MOK: variants seen among roughly 807,000 people sequenced by gnomAD.
MOK encodes MOK protein kinase.
Under a neutral mutation model 54.2 loss-of-function variants are expected in MOK, and 59 were observed. The ratio of observed to expected loss-of-function variants is 1.09; its 90% CI spans 0.88 to 1.35. The LOEUF (loss-of-function observed/expected upper bound fraction) is 1.35, where lower values mean the gene tolerates loss of function less well. MOK is among the 40% of genes most tolerant of loss of function. MOK has a pLI of 0.00. For synonymous variants in MOK, 210 were observed against 202.7 expected (o/e 1.04, Z -0.31); for missense variants, 517 against 526.2 (o/e 0.98, Z 0.17).
In MOK at chr14:102,231,419, G is replaced by C. The variant is rs549102716; in HGVS notation, c.981+288C>G. 9.0e-6 allele frequency: 3 copies of C among 331,996 alleles called. No individual in the cohort carries two copies. The highest frequency in any genetic ancestry group is 6.3e-5 in the African/African-American group (3 of 47,420). 20.6% of individuals were successfully genotyped at this position (331,996 alleles called of 1,614,324 possible). A position where few individuals can be genotyped will look rare whatever the true frequency, so the allele number is the denominator to read the frequency against. Reference sequence around the variant, plus strand: ...CCTGGCACCTGCATATGGTCATCAGGACAGACACAAAAGTTCATGCAAACA... The same window carrying C: ...CCTGGCACCTGCATATGGTCATCAGCACAGACACAAAAGTTCATGCAAACA... On this transcript the variant is annotated intron_variant, in intron 10 of 11. Coordinates refer to ENST00000361847, the MANE Select transcript of MOK (RefSeq NM_014226.3). The surrounding 1 kb of genome is among the most constrained non-coding windows in gnomAD (Gnocchi z 4.4).
intron 2 of MOK, among the ~76,000 whole-genome samples, chr14:102,271,901 C>T (rs571226816): frequency 8.8e-4 from 134 of 151,940 alleles, no homozygotes; most frequent in Middle Eastern, 3.4e-3. Context: ...TTTTTTGAGA[C>T]AGGGTCTCAC....
intron 1 of MOK, among the ~76,000 whole-genome samples, chr14:102,293,270 A>G (rs1471914400): frequency 6.6e-6 from 1 of 152,238 alleles, no homozygotes; most frequent in African/African-American, 2.4e-5. Flanking sequence ...ATAGCCACAG[A>G]CTGAAATATT....
intron 4 of MOK, among the ~76,000 whole-genome samples, chr14:102,259,835 A>G (rs1202858951): frequency 6.6e-6 from 1 of 151,894 alleles, no homozygotes; most frequent in African/African-American, 2.4e-5. Flanking sequence ...CACGAGGTCA[A>G]GAGATCGAGA....
chr14:102,251,236 T>C (rs1342717597), intron 6 of MOK, among the ~76,000 whole-genome samples: 1 of 152,170 alleles, frequency 6.6e-6, no homozygotes, highest in African/African-American at 2.4e-5. Flanking sequence ...TGCCTACAGG[T>C]TTGGAAACTG....
At chr14:102,294,577 T>G (rs940734573) in intron 1 of MOK, among the ~76,000 whole-genome samples, 1 of 151,884 alleles carries the variant, frequency 6.6e-6, no homozygotes, top group African/African-American at 2.4e-5. Context: ...ATGGTGCCAC[T>G]GTACTCCAGC....
At chr14:102,222,720 A>C, downstream of MOK, 2 of 1,145,794 alleles carry the variant, frequency 1.7e-6, no homozygotes, top group East Asian at 4.7e-5. This position sits in a 1 kb window ranked among gnomAD's most constrained non-coding sequence, Gnocchi z 4.4. Context: ...ACTGGCTTCC[A>C]CATCAACAGC....
chr14:102,225,009 G>T (rs895150525), downstream of MOK: 1 of 343,190 alleles, frequency 2.9e-6, no homozygotes, highest in Non-Finnish European at 5.7e-6. Flanking sequence ...AACAGCTACA[G>T]TGAACTGCGG....
intron 1 of MOK, among the ~76,000 whole-genome samples, chr14:102,295,291 C>T (rs917502359): frequency 2.6e-5 from 4 of 152,176 alleles, no homozygotes; most frequent in African/African-American, 9.7e-5. Flanking sequence ...TAAATGAATA[C>T]CTCTGTATTA....
At chr14:102,227,785 G>A (rs893793961), downstream of MOK, among the ~76,000 whole-genome samples, 3 of 152,174 alleles carry the variant, frequency 2.0e-5, no homozygotes, top group Admixed American at 2.0e-4. Flanking sequence ...CCTCCGCGTG[G>A]CCCGCGGTCC....
At chr14:102,294,534 G>A (rs1051705250) in intron 1 of MOK, among the ~76,000 whole-genome samples, 20 of 151,936 alleles carry the variant, frequency 1.3e-4, no homozygotes, top group Admixed American at 1.1e-3. Context: ...AGAATCCTCT[G>A]AGCCCGGGAA....
Position 102,235,556 on chromosome 14 carries a change from GTAA to G in MOK, c.591-1770_591-1768del, listed in dbSNP as rs1159138536. On this transcript the variant is annotated intron_variant, in intron 7 of 11. Coordinates refer to ENST00000361847, the MANE Select transcript of MOK (RefSeq NM_014226.3). The surrounding 1 kb of genome is among the most constrained non-coding windows in gnomAD (Gnocchi z 4.4). ...CCCACAGGCCCCTGCCAGACCTCCT[GTAA>G]TCATATGATTACTTGCCTCACTGCA... The G allele has an allele frequency of 6.6e-6, 1 of 152,178 alleles. No homozygotes were observed. The highest frequency in any genetic ancestry group is 2.4e-5 in the African/African-American group (1 of 41,422). The allele number at this position is 152,178 out of a possible 1,614,324, so 9.4% of individuals were successfully genotyped here. A position where few individuals can be genotyped will look rare whatever the true frequency, so the allele number is the denominator to read the frequency against.
At chr14:102,257,269 G>T (rs959892278) in intron 4 of MOK, among the ~76,000 whole-genome samples, 1 of 152,042 alleles carries the variant, frequency 6.6e-6, no homozygotes, top group Non-Finnish European at 1.5e-5. Context: ...TGACGGCATG[G>T]ATCACGGCTG....
At chr14:102,256,789 A>C (rs1466491936) in intron 4 of MOK, among the ~76,000 whole-genome samples, 2 of 152,078 alleles carry the variant, frequency 1.3e-5, no homozygotes, top group Non-Finnish European at 2.9e-5. Context: ...CTCTATAGTC[A>C]GAGTATGAGG....
In MOK at chr14:102,283,565, TCTC is replaced by T. The variant is rs770768052; in HGVS notation, c.32_34del (p.Gly11del). 10 of 1,613,240 alleles carry T rather than the reference TCTC, an allele frequency of 6.2e-6. No homozygotes were observed. The South Asian group carries it at 8.8e-5, about 14-fold the overall frequency. On this transcript the variant is annotated inframe_deletion, in exon 2 of 12. Coordinates refer to ENST00000361847, the MANE Select transcript of MOK (RefSeq NM_014226.3). ...CTTCATAACTTCAGAAAACGTTCCC[TCTC>T]CTATTTTGCCAATTGCTTTATAGTC...
intron 1 of MOK, among the ~76,000 whole-genome samples, chr14:102,287,243 C>T (rs2070226690): frequency 1.3e-5 from 2 of 152,162 alleles, no homozygotes; most frequent in South Asian, 4.1e-4. Flanking sequence ...CCGAAGCAGG[C>T]AGATTACCTG....
At chr14:102,298,017 C>G (rs1418505623) in intron 1 of MOK, among the ~76,000 whole-genome samples, 1 of 152,222 alleles carries the variant, frequency 6.6e-6, no homozygotes, top group Non-Finnish European at 1.5e-5. Flanking sequence ...CGAGGAGCAC[C>G]GCCCCCTGCT....
intron 1 of MOK, among the ~76,000 whole-genome samples, chr14:102,293,369 A>G (rs1417794510): frequency 6.6e-6 from 1 of 152,166 alleles, no homozygotes; most frequent in Admixed American, 6.5e-5. Flanking sequence ...GAAAAAAAGG[A>G]TGATAATGAT....
chr14:102,304,904 CCCT>C, intron 1 of MOK, 55 bp downstream of exon 1: 1 of 1,308,518 alleles, frequency 7.6e-7, no homozygotes, highest in Non-Finnish European at 1.1e-6. Context: ...CTCCCCCAGT[CCCT>C]CCCTCCCCCG....
chr14:102,277,013 CTTTT>C (rs550427492), intron 2 of MOK, among the ~76,000 whole-genome samples: 3 of 99,954 alleles, frequency 3.0e-5, no homozygotes, highest in Non-Finnish European at 6.3e-5. Flanking sequence ...ATGCCCTGGT[CTTTT>C]TTTTTTTTTT....
Sources: gnomAD v4.1 joint callset for allele counts (sites outside exome capture counted in the v4.1 genomes callset) on GRCh38, gnomAD v4.1.1 for gene constraint, Gnocchi (gnomAD v3.1) non-coding constraint, MANE v1.5 for transcripts, NCBI Gene and HGNC (gene_info 2026-07-23, HGNC 2026-07-21) for gene names.